ADAMTS2: variants seen among roughly 807,000 people sequenced by gnomAD.
ADAMTS2 encodes the protein ADAM metallopeptidase with thrombospondin type 1 motif 2.
Under a neutral mutation model 123.0 loss-of-function variants are expected in ADAMTS2, and 50 were observed. The observed-to-expected ratio is 0.41, with a 90% CI of 0.32 to 0.51. The LOEUF (loss-of-function observed/expected upper bound fraction) is 0.51, where lower values mean the gene tolerates loss of function less well. Ranked by LOEUF, ADAMTS2 falls within the 20% of genes least tolerant of loss-of-function variation. The pLI, the probability that ADAMTS2 is intolerant of heterozygous loss-of-function variation, is 0.35. For synonymous variants in ADAMTS2, 678 were observed against 695.4 expected, an observed-to-expected ratio of 0.98 and a Z score of 0.39; for missense variants, 1,494 against 1,705.2, an observed-to-expected ratio of 0.88 and a Z score of 2.18.
chr5:179,254,374 A>C (rs898956678), intron 3 of ADAMTS2, among the ~76,000 whole-genome samples: 1 of 152,144 alleles, frequency 6.6e-6, no homozygotes, highest in East Asian at 1.9e-4. Context: ...AGTGGTCACT[A>C]TGAGCTGGGA....
rs1294586558 is a variant in ADAMTS2 at position 179,185,549 on chromosome 5, G to A, written c.892-4394C>T. On this transcript the variant is annotated intron_variant, in intron 4 of 21. Transcript: ENST00000251582. This position sits in a 1 kb window ranked among gnomAD's most constrained non-coding sequence, Gnocchi z 5.9. ...AAGGTGGCAGCTCTCATCTCAAGAAGGAATCTTGTGTCCTTCTGAACATTG... is the reference window on the plus strand; with the variant it reads ...AAGGTGGCAGCTCTCATCTCAAGAAAGAATCTTGTGTCCTTCTGAACATTG... Among the ~76,000 whole-genome samples, 3 of 152,100 alleles carry A rather than the reference G, an allele frequency of 2.0e-5. No homozygotes were observed. In the South Asian group the frequency reaches 6.2e-4, roughly 31 times the overall value.
At chr5:179,269,224 C>G (rs73333240) in intron 3 of ADAMTS2, among the ~76,000 whole-genome samples, 10,713 of 152,248 alleles carry the variant, frequency 0.07, 625 homozygotes, top group African/African-American at 0.16. Flanking sequence ...GGAGGGAGCA[C>G]AGCCCTGTCC....
chr5:179,206,537 C>T lies in ADAMTS2; in HGVS notation c.891+976G>A, dbSNP rs1018432966. Among the ~76,000 whole-genome samples the T allele has an allele frequency of 2.6e-5, 4 of 152,312 alleles. No homozygotes were observed. In the East Asian group the frequency reaches 7.7e-4, roughly 29 times the overall value. The stretch of plus-strand genomic sequence containing the variant: ...CACACCACCTCCAGCCCTCCCTAAG[C>T]CCCGGCTTCCTCCCACAAATACCCC... On this transcript the variant is annotated intron_variant, in intron 4 of 21. Coordinates refer to ENST00000251582, the MANE Select transcript of ADAMTS2 (RefSeq NM_014244.5).
Position 179,272,947 on chromosome 5 carries a change from A to T in ADAMTS2, c.652T>A (p.Ser218Thr), listed in dbSNP as rs1453402661. 6.2e-7 allele frequency: 1 copy of T among 1,611,410 alleles called. No individual in the cohort carries two copies. Among genetic ancestry groups the T allele is most frequent in the Non-Finnish European group, 8.5e-7 (1 of 1,179,850 alleles). Residue 218 changes from serine to threonine, a missense_variant, in exon 3 of 22, where the codon TCC becomes ACC. Ser to Thr is a moderately conservative substitution (Grantham distance 58, BLOSUM62 1). This residue lies in a region of ADAMTS2 where 184 missense variants were observed against 152.1 expected (regional missense o/e 1.21). Coordinates refer to ENST00000251582, the MANE Select transcript of ADAMTS2 (RefSeq NM_014244.5). The surrounding 1 kb of genome is among the most constrained non-coding windows in gnomAD (Gnocchi z 5.8). ...VHVVYRRPPT[S>T]PPLGGPQALD... The stretch of plus-strand genomic sequence containing the variant: ...GCCTGTGGCCCCCCGAGAGGAGGGG[A>T]CGTGGGTGGCCGGCGATACACCACA...
At chr5:179,154,387 C>T (rs1018091155) in intron 7 of ADAMTS2, among the ~76,000 whole-genome samples, 195 bp from the exon 8 acceptor site, 3 of 152,320 alleles carry the variant, frequency 2.0e-5, no homozygotes, top group Non-Finnish European at 4.4e-5. Context: ...CAGTGTCCAG[C>T]GGGCAGTCCC....
chr5:179,285,695 C>G lies in ADAMTS2; in HGVS notation c.535-12631G>C, dbSNP rs912560353. Among the ~76,000 whole-genome samples, 1 of 152,234 alleles carries G rather than the reference C, an allele frequency of 6.6e-6. No homozygotes were observed. Among genetic ancestry groups the G allele is most frequent in the Admixed American group, 6.5e-5 (1 of 15,282 alleles). The stretch of plus-strand genomic sequence containing the variant: ...GTCTCGTTCAGCATGAAGCCCACGT[C>G]GGGGAACGTCCCCAGTCACAAATTA... On this transcript the variant is annotated intron_variant, in intron 2 of 21. Coordinates refer to ENST00000251582, the MANE Select transcript of ADAMTS2 (RefSeq NM_014244.5). This position sits in a 1 kb window ranked among gnomAD's most constrained non-coding sequence, Gnocchi z 4.9.
At chr5:179,238,443 G>A (rs1474110071) in intron 3 of ADAMTS2, among the ~76,000 whole-genome samples, 1 of 152,172 alleles carries the variant, frequency 6.6e-6, no homozygotes, top group Non-Finnish European at 1.5e-5. Flanking sequence ...GGCAGTGAGT[G>A]CTGCGGGAAG....
At chr5:179,319,310 A>T (rs974274919) in intron 2 of ADAMTS2, among the ~76,000 whole-genome samples, 1 of 152,210 alleles carries the variant, frequency 6.6e-6, no homozygotes, top group Non-Finnish European at 1.5e-5. Flanking sequence ...TGCCCCATGC[A>T]TGTGCATGGC....
chr5:179,190,026 A>G (rs2113334444), intron 4 of ADAMTS2, among the ~76,000 whole-genome samples: 1 of 152,314 alleles, frequency 6.6e-6, no homozygotes, highest in African/African-American at 2.4e-5. Flanking sequence ...GAATGCCATC[A>G]GTTAAGGCAG....
chr5:179,286,359 C>T (rs1756020888), intron 2 of ADAMTS2, among the ~76,000 whole-genome samples: 1 of 152,100 alleles, frequency 6.6e-6, no homozygotes, highest in African/African-American at 2.4e-5. Context: ...CACACACCGC[C>T]CCTCCCTTCC....
rs545205010 is a variant in ADAMTS2 at position 179,256,994 on chromosome 5, G to A, written c.688+15917C>T. ...CTCCGCAGGCCAGGCCCACACTGGC[G>A]GCCCCGGCTGCCTGGCCCATCACTG... is the stretch of plus-strand genomic sequence containing the variant. On this transcript the variant is annotated intron_variant, in intron 3 of 21. Coordinates refer to ENST00000251582, the MANE Select transcript of ADAMTS2 (RefSeq NM_014244.5). The surrounding 1 kb of genome is among the most constrained non-coding windows in gnomAD (Gnocchi z 4.1). Among the ~76,000 whole-genome samples the A allele has an allele frequency of 3.3e-3, 497 of 152,334 alleles. No individual in the cohort carries two copies. The highest frequency in any genetic ancestry group is 7.1e-3 in the Admixed American group (108 of 15,308).
chr5:179,270,364 C>T (rs1436292591), intron 3 of ADAMTS2, among the ~76,000 whole-genome samples: 4 of 152,308 alleles, frequency 2.6e-5, no homozygotes, highest in Non-Finnish European at 2.9e-5. Context: ...CCCGGCAGAA[C>T]ATAAATAGCA....
At chr5:179,154,765 G>A (rs775444544) in intron 7 of ADAMTS2, 49 bp downstream of exon 7, 10 of 1,477,066 alleles carry the variant, frequency 6.8e-6, no homozygotes, top group African/African-American at 1.4e-5. Context: ...CCAGGGCTGG[G>A]GATCCTAGGG....
chr5:179,255,750 C>T (rs1377376286), intron 3 of ADAMTS2, among the ~76,000 whole-genome samples: 1 of 152,180 alleles, frequency 6.6e-6, no homozygotes, highest in African/African-American at 2.4e-5. Context: ...AATGTGCCCC[C>T]AAGCAGGGGT....
chr5:179,329,326 CAAA>C (rs79153534), intron 2 of ADAMTS2, among the ~76,000 whole-genome samples: 2 of 85,714 alleles, frequency 2.3e-5, no homozygotes. Flanking sequence ...GACTCCGTCT[CAAA>C]AAAAAAAAAA....
chr5:179,301,263 G>C (rs1459048074), intron 2 of ADAMTS2, among the ~76,000 whole-genome samples: 1 of 152,056 alleles, frequency 6.6e-6, no homozygotes, highest in East Asian at 1.9e-4. Flanking sequence ...CGAAACTTGA[G>C]ATCTTTAGAC....
rs369291998 is a variant in ADAMTS2, at chr5:179,193,260, T to G, written c.892-12105A>C. ...TGGCTGGGGCTCTTCCCAGACATCA[T>G]GGGCCGAGTGAACAACTGCTCGCCT... is the stretch of plus-strand genomic sequence containing the variant. On this transcript the variant is annotated intron_variant, in intron 4 of 21. Coordinates refer to ENST00000251582, the MANE Select transcript of ADAMTS2 (RefSeq NM_014244.5). Among the ~76,000 whole-genome samples the G allele has an allele frequency of 2.6e-5, 4 of 152,338 alleles. No homozygotes were observed. In the East Asian group the frequency reaches 7.7e-4, roughly 29 times the overall value.
intron 5 of ADAMTS2, among the ~76,000 whole-genome samples, chr5:179,167,242 G>C (rs913004527): frequency 1.3e-5 from 2 of 152,000 alleles, no homozygotes; most frequent in African/African-American, 4.8e-5. Flanking sequence ...CCCCCCGCGC[G>C]GGGCGGGCAG....
rs557150206 is a variant in ADAMTS2, at chr5:179,132,130, C to T, written c.2290+100G>A. On this transcript the variant is annotated intron_variant, in intron 15 of 21. Coordinates refer to ENST00000251582, the MANE Select transcript of ADAMTS2 (RefSeq NM_014244.5). This position sits in a 1 kb window ranked among gnomAD's most constrained non-coding sequence, Gnocchi z 6.1. Reference sequence around the variant, plus strand: ...GCTGCCCTGGCTCAGGTCATGGCTGCACAACCCGGGCCCCTGACCCCTGAC... The same window carrying T: ...GCTGCCCTGGCTCAGGTCATGGCTGTACAACCCGGGCCCCTGACCCCTGAC... 6.8e-5 allele frequency: 83 copies of T among 1,212,980 alleles called. No individual in the cohort carries two copies. In the South Asian group the frequency reaches 9.9e-4, roughly 14 times the overall value. 75.1% of individuals were successfully genotyped at this position (1,212,980 alleles called of 1,614,324 possible).
Sources: allele counts gnomAD v4.1 joint callset (sites outside exome capture counted in the v4.1 genomes callset), GRCh38; gene constraint gnomAD v4.1.1; regional missense constraint gnomAD v4.1.1; non-coding constraint Gnocchi (gnomAD v3.1); transcripts MANE v1.5; gene names NCBI Gene and HGNC (gene_info 2026-07-23, HGNC 2026-07-21).